Variants in UNC13C observed in about 807,000 individuals in gnomAD.
The protein encoded by UNC13C is protein unc-13 homolog C.
UNC13C carries 174 observed loss-of-function variants against 245.4 expected under a neutral mutation model. The observed-to-expected ratio is 0.71, with a 90% CI of 0.63 to 0.80. UNC13C has a LOEUF of 0.80. Ranked by LOEUF, UNC13C falls within the 30% of genes least tolerant of loss-of-function variation. The pLI is 0.00. For synonymous variants in UNC13C, 992 were observed against 895.1 expected (o/e 1.11, Z -1.93); for missense variants, 2,829 against 2,602.9 (o/e 1.09, Z -1.89).
intron 24 of UNC13C, among the ~76,000 whole-genome samples, chr15:54,521,089 A>C (rs1000452051): frequency 5.3e-5 from 8 of 152,194 alleles, no homozygotes; most frequent in Non-Finnish European, 1.0e-4. Context: ...GAAAGAAGGA[A>C]CCAAGAGTGC....
At chr15:54,618,992 G>T (rs1418905005) in intron 30 of UNC13C, among the ~76,000 whole-genome samples, 1 of 152,116 alleles carries the variant, frequency 6.6e-6, no homozygotes, top group Non-Finnish European at 1.5e-5. Context: ...TTTGTCTAAT[G>T]AGTTTTAATG....
intron 17 of UNC13C, among the ~76,000 whole-genome samples, chr15:54,358,891 C>T (rs998640742): frequency 2.6e-5 from 4 of 151,972 alleles, no homozygotes; most frequent in South Asian, 2.1e-4. Flanking sequence ...TATTTTGTTC[C>T]ATAACTTAGA....
At chr15:54,435,509 T>G (rs1354321934) in intron 19 of UNC13C, among the ~76,000 whole-genome samples, 6 of 148,222 alleles carry the variant, frequency 4.0e-5, no homozygotes, top group Non-Finnish European at 7.4e-5. Context: ...TTCTCACTCA[T>G]AAGTGGGAGT....
Position 53,992,611 on chromosome 15 carries a change from T to C in UNC13C, c.-257+13684T>C, listed in dbSNP as rs368525854. On this transcript the variant is annotated intron_variant, in intron 1 of 32. Coordinates refer to ENST00000260323, the MANE Select transcript of UNC13C (RefSeq NM_001080534.3). ...CCTATCCCGTGACTCACAGTCCTGT[T>C]TTTCCTAAGGCCTTGGCCTTGGCAA... Among the ~76,000 whole-genome samples, 41 of 152,204 alleles carry C rather than the reference T, an allele frequency of 2.7e-4. No homozygotes were observed. The East Asian group carries it at 7.5e-3, about 28-fold the overall frequency.
At chr15:54,208,977 G>A (rs1016178809) in intron 4 of UNC13C, among the ~76,000 whole-genome samples, 1 of 152,072 alleles carries the variant, frequency 6.6e-6, no homozygotes, top group Non-Finnish European at 1.5e-5. Context: ...TTTATGCAAA[G>A]CAAGTCCATG....
At chr15:54,382,232 G>A (rs544286886) in intron 17 of UNC13C, among the ~76,000 whole-genome samples, 1 of 152,182 alleles carries the variant, frequency 6.6e-6, no homozygotes, top group South Asian at 2.1e-4. Flanking sequence ...ATTTCTGCAG[G>A]ACATAGCAAA....
chr15:54,044,950 A>G (rs1053874160), intron 2 of UNC13C, among the ~76,000 whole-genome samples: 1 of 151,828 alleles, frequency 6.6e-6, no homozygotes, highest in Non-Finnish European at 1.5e-5. Context: ...GAATTGTATG[A>G]TATTTTTATA....
At chr15:54,625,311 TTCTATTGCAAACAGCA>T (rs1901063045) in intron 32 of UNC13C, among the ~76,000 whole-genome samples, 3 of 149,684 alleles carry the variant, frequency 2.0e-5, no homozygotes, top group Admixed American at 6.6e-5. Context: ...CAGATGAGTT[TTCTATTGCAAACAGCA>T]TTCTATTGCA....
At chr15:54,552,442 ACAATATATAATATAATTATATAT>A (rs1566904438) in intron 28 of UNC13C, among the ~76,000 whole-genome samples, 1 of 2,054 alleles carries the variant, frequency 4.9e-4, no homozygotes, top group African/African-American at 4.8e-3. Context: ...ATTATATATT[ACAATATATAATATAATTATATAT>A]TACAATATAT....
At chr15:54,492,636 G>A (rs920089895) in intron 19 of UNC13C, among the ~76,000 whole-genome samples, 38 of 152,296 alleles carry the variant, frequency 2.5e-4, no homozygotes, top group Non-Finnish European at 4.9e-4. Context: ...TGAACCAAAG[G>A]AAAGTAAGCA....
chr15:54,069,017 C>G (rs1031576503), intron 2 of UNC13C, among the ~76,000 whole-genome samples: 10 of 152,136 alleles, frequency 6.6e-5, no homozygotes, highest in Admixed American at 6.5e-4. Flanking sequence ...TTAAATAATT[C>G]TAGGAACACA....
chr15:54,234,964 G>A, intron 4 of UNC13C, 66 bp from the exon 5 acceptor site: 4 of 1,383,402 alleles, frequency 2.9e-6, no homozygotes, highest in Admixed American at 1.7e-5. Context: ...ACCATGAACA[G>A]TGGATGTTTT....
At chr15:53,863,019 T>C in the UNC13C span, among the ~76,000 whole-genome samples, 1 of 152,118 alleles carries the variant, frequency 6.6e-6, no homozygotes, top group Non-Finnish European at 1.5e-5. Flanking sequence ...AAATCAGATA[T>C]AGGGGAGACT....
At chr15:54,089,423 G>T (rs1899435233) in intron 2 of UNC13C, among the ~76,000 whole-genome samples, 1 of 152,126 alleles carries the variant, frequency 6.6e-6, no homozygotes, top group Admixed American at 6.6e-5. Context: ...GGCCAGAGAA[G>T]CAAAATTTCA....
At chr15:54,615,687 G>C (rs1276972193) in intron 30 of UNC13C, among the ~76,000 whole-genome samples, 1 of 151,916 alleles carries the variant, frequency 6.6e-6, no homozygotes, top group Non-Finnish European at 1.5e-5. Context: ...GCATTAGTTG[G>C]GGTTGAAAGT....
intron 4 of UNC13C, among the ~76,000 whole-genome samples, chr15:54,203,586 T>C (rs549832419): frequency 1.3e-5 from 2 of 148,224 alleles, no homozygotes; most frequent in South Asian, 4.2e-4. Flanking sequence ...TTGTGTGTAT[T>C]CGATATATTT....
At chr15:53,865,514 C>T in the UNC13C span, among the ~76,000 whole-genome samples, 11 of 152,080 alleles carry the variant, frequency 7.2e-5, no homozygotes, top group African/African-American at 2.2e-4. Flanking sequence ...AGATTAGGGC[C>T]CCAACCTAAA....
chr15:53,883,159 T>C, the UNC13C span, among the ~76,000 whole-genome samples: 4 of 152,250 alleles, frequency 2.6e-5, no homozygotes, highest in East Asian at 1.9e-4. Flanking sequence ...GAATCAGCAA[T>C]TGAATTTTTT....
At chr15:54,610,888 T>G (rs1240514568) in intron 30 of UNC13C, among the ~76,000 whole-genome samples, 14 of 152,220 alleles carry the variant, frequency 9.2e-5, no homozygotes, top group Non-Finnish European at 1.3e-4. Context: ...CCAGTTTTTG[T>G]TTTTGTATCA....
Sources: gnomAD v4.1 joint callset for allele counts (sites outside exome capture counted in the v4.1 genomes callset) on GRCh38, gnomAD v4.1.1 for gene constraint, MANE v1.5 for transcripts, NCBI Gene and HGNC (gene_info 2026-07-23, HGNC 2026-07-21) for gene names.